The following RHOBTB1 variants were observed in gnomAD, a reference collection of about 807,000 sequenced individuals.
The protein encoded by RHOBTB1 is Rho related BTB domain containing 1, also known as rho-related BTB domain-containing protein 1.
A neutral mutation model predicts 71.6 loss-of-function variants in RHOBTB1; 40 were observed. That is an observed-to-expected ratio of 0.56 (90% CI 0.43 to 0.73). The LOEUF (loss-of-function observed/expected upper bound fraction) is 0.73, where lower values mean the gene tolerates loss of function less well. RHOBTB1 is among the 30% of genes least tolerant of loss of function. RHOBTB1 has a pLI of 0.00. For missense variants in RHOBTB1, 797 were observed against 894.0 expected, an observed-to-expected ratio of 0.89 and a Z score of 1.38; for synonymous variants, 319 against 334.9, an observed-to-expected ratio of 0.95 and a Z score of 0.52.
chr10:60,998,593 A>G (rs1328662795), intron 1 of RHOBTB1, among the ~76,000 whole-genome samples: 1 of 152,206 alleles, frequency 6.6e-6, no homozygotes, highest in Non-Finnish European at 1.5e-5. Context: ...ACTTAGACCT[A>G]AAGGAAGAAA....
At chr10:60,914,854 G>T (rs1217766681) in intron 2 of RHOBTB1, among the ~76,000 whole-genome samples, 2 of 152,178 alleles carry the variant, frequency 1.3e-5, no homozygotes, top group African/African-American at 4.8e-5. Flanking sequence ...CTAATCCCTA[G>T]CAGTCCGCTC....
chr10:60,970,766 T>C (rs2086126084), intron 2 of RHOBTB1, among the ~76,000 whole-genome samples: 1 of 152,042 alleles, frequency 6.6e-6, no homozygotes, highest in Non-Finnish European at 1.5e-5. Flanking sequence ...ACAATACAAA[T>C]AGGGCTTTTA....
chr10:60,978,072 T>C (rs1347090196), intron 2 of RHOBTB1, among the ~76,000 whole-genome samples: 1 of 152,192 alleles, frequency 6.6e-6, no homozygotes, highest in Admixed American at 6.6e-5. Context: ...AAGCAGTTTA[T>C]AAACCATAAA....
At chr10:60,864,028 G>C in the RHOBTB1 span, among the ~76,000 whole-genome samples, 1 of 152,022 alleles carries the variant, frequency 6.6e-6, no homozygotes, top group Non-Finnish European at 1.5e-5. Flanking sequence ...CTTAGCCTTC[G>C]ACCACTCGTG....
chr10:60,958,493 T>C (rs760554149), intron 2 of RHOBTB1, among the ~76,000 whole-genome samples: 3 of 152,168 alleles, frequency 2.0e-5, no homozygotes, highest in African/African-American at 4.8e-5. Flanking sequence ...AAACACTATA[T>C]AGATATGGAT....
chr10:60,962,726 C>T, intron 2 of RHOBTB1, among the ~76,000 whole-genome samples: 1 of 152,070 alleles, frequency 6.6e-6, no homozygotes, highest in Middle Eastern at 3.2e-3. Context: ...AACTGCTGGC[C>T]CAGTCAATTT....
At position 60,870,065 on chromosome 10, in the gene RHOBTB1, C is replaced by A; in HGVS notation, c.*1417G>T. ...TGGCATTGGTAATTTGACCTCCCAA[C>A]AGAATGAGCCCCACCCCCTGCCACA... On this transcript the variant is annotated 3_prime_UTR_variant, in exon 11 of 11. Coordinates refer to ENST00000337910, the MANE Select transcript of RHOBTB1 (RefSeq NM_014836.5). The A allele has an allele frequency of 6.6e-6, 1 of 152,548 alleles. No homozygotes were observed. Among genetic ancestry groups the A allele is most frequent in the Middle Eastern group, 3.2e-3 (1 of 316 alleles). 9.4% of individuals were successfully genotyped at this position (152,548 alleles called of 1,614,324 possible). A position where few individuals can be genotyped will look rare whatever the true frequency, so the allele number is the denominator to read the frequency against.
intron 4 of RHOBTB1, among the ~76,000 whole-genome samples, chr10:60,899,294 G>A (rs776707585): frequency 6.6e-6 from 1 of 152,208 alleles, no homozygotes; most frequent in Non-Finnish European, 1.5e-5. Flanking sequence ...TTGCTAAACA[G>A]ACGAAGGTGA....
chr10:60,933,867 TTTAAA>T (rs1444569208), intron 2 of RHOBTB1, among the ~76,000 whole-genome samples: 1 of 152,170 alleles, frequency 6.6e-6, no homozygotes, highest in Non-Finnish European at 1.5e-5. Context: ...ATGAACAATC[TTTAAA>T]TTAAAAGAGA....
intron 1 of RHOBTB1, among the ~76,000 whole-genome samples, chr10:60,993,995 A>G (rs1170119229): frequency 6.6e-6 from 1 of 152,164 alleles, no homozygotes; most frequent in African/African-American, 2.4e-5. Flanking sequence ...TATGCAAAAA[A>G]TTGTGTATGT....
chr10:60,973,213 G>C (rs542922214), intron 2 of RHOBTB1, among the ~76,000 whole-genome samples: 29 of 151,890 alleles, frequency 1.9e-4, no homozygotes, highest in Admixed American at 1.1e-3. Context: ...CTATCAAAAG[G>C]TTCTCATCTG....
chr10:60,873,336 T>G (rs2080890987), intron 9 of RHOBTB1, among the ~76,000 whole-genome samples: 1 of 152,200 alleles, frequency 6.6e-6, no homozygotes, highest in Admixed American at 6.5e-5. Flanking sequence ...AGTATTTATA[T>G]CATAGAAATT....
At position 60,990,346 on chromosome 10, in the gene RHOBTB1, T is replaced by C. The variant is rs182115339; in HGVS notation, c.-162-4401A>G. Among the ~76,000 whole-genome samples, 871 of 152,160 alleles carry C rather than the reference T, an allele frequency of 5.7e-3. 8 individuals carry two copies. The highest frequency in any genetic ancestry group is 0.019 in the African/African-American group (794 of 41,512). On this transcript the variant is annotated intron_variant, in intron 1 of 11. Transcript: ENST00000357917. ...TCTCTCTCTTTCTAGTGGACACCAA[T>C]AGGCCAATGATTTTTCTCTCTATCT...
At chr10:60,886,918 A>C (rs935691959) in intron 6 of RHOBTB1, among the ~76,000 whole-genome samples, 1 of 151,864 alleles carries the variant, frequency 6.6e-6, no homozygotes, top group Non-Finnish European at 1.5e-5. Flanking sequence ...TTCACTCCTA[A>C]CTACCTTATC....
chr10:60,986,484 A>G (rs969831690), intron 1 of RHOBTB1, among the ~76,000 whole-genome samples: 17 of 148,416 alleles, frequency 1.1e-4, no homozygotes, highest in African/African-American at 4.2e-4. Flanking sequence ...GATTGAAGTT[A>G]TAATATGGAT....
In RHOBTB1 at chr10:60,956,267, TA is replaced by T. The variant is rs540276342; in HGVS notation, c.-61-14414del. On this transcript the variant is annotated intron_variant, in intron 2 of 11. Coordinates refer to the RHOBTB1 transcript ENST00000357917. ...TACAGTAAAAATATGAATAAAAGAC[TA>T]AAAAAATGGTATGCCTGTATAGGGC... 1.8e-3 allele frequency among the ~76,000 whole-genome samples: 270 copies of T among 152,074 alleles called. 2 individuals carry two copies. The highest frequency in any genetic ancestry group is 5.8e-3 in the African/African-American group (239 of 41,458).
At chr10:60,949,664 CTTTTTTTTTT>C (rs147906688) in intron 2 of RHOBTB1, among the ~76,000 whole-genome samples, 10 of 108,918 alleles carry the variant, frequency 9.2e-5, no homozygotes, top group Admixed American at 3.0e-4. Context: ...CCAGGTGAAG[CTTTTTTTTTT>C]TTTTTTTTTT....
intron 2 of RHOBTB1, among the ~76,000 whole-genome samples, chr10:60,985,423 GCATCTGGGAAAAAGAGAAATGC>G (rs2086630119): frequency 1.3e-5 from 2 of 152,136 alleles, no homozygotes; most frequent in Non-Finnish European, 2.9e-5. Context: ...CCAAGCTAAG[GCATCTGGGAAAAAGAGAAATGC>G]CACGCACAGC....
At chr10:60,922,538 T>C (rs1191098101) in intron 2 of RHOBTB1, among the ~76,000 whole-genome samples, 1 of 152,218 alleles carries the variant, frequency 6.6e-6, no homozygotes, top group African/African-American at 2.4e-5. Context: ...ACCAGCAGAC[T>C]GCCATGTCCA....
Sources: allele counts gnomAD v4.1 joint callset (sites outside exome capture counted in the v4.1 genomes callset), GRCh38; gene constraint gnomAD v4.1.1; transcripts MANE v1.5; gene names NCBI Gene and HGNC (gene_info 2026-07-23, HGNC 2026-07-21).